EYS: variants seen among roughly 807,000 people sequenced by gnomAD.
EYS encodes the protein EGF-like photoreceptor maintenance factor.
A neutral mutation model predicts 282.1 loss-of-function variants in EYS; 250 were observed. The ratio of observed to expected loss-of-function variants is 0.89; its 90% CI spans 0.80 to 0.98. EYS has a LOEUF of 0.98. EYS is among the 50% of genes least tolerant of loss of function. The pLI, the probability that EYS is intolerant of heterozygous loss-of-function variation, is 0.00. For synonymous variants in EYS, 1,355 were observed against 1,282.9 expected (o/e 1.06, Z -1.20); for missense variants, 4,016 against 3,709.0 (o/e 1.08, Z -2.15).
intron 25 of EYS, among the ~76,000 whole-genome samples, chr6:64,592,564 G>A (rs897164124): frequency 3.9e-5 from 6 of 152,012 alleles, no homozygotes; most frequent in Non-Finnish European, 7.4e-5. Context: ...CTGATTATCC[G>A]AAGTGGCATT....
rs535897954 is a variant in EYS at position 65,703,925 on chromosome 6, G to T, written c.-448+3210C>A. Among the ~76,000 whole-genome samples the T allele has an allele frequency of 5.7e-4, 87 of 152,220 alleles. 1 individual carries two copies. Among genetic ancestry groups the T allele is most frequent in the African/African-American group, 2.0e-3 (82 of 41,532 alleles). The stretch of plus-strand genomic sequence containing the variant: ...ATGCTGTCCAAGACTGTCAGATCTG[G>T]CTGTAATCTGTTAAACACAGTATTA... On this transcript the variant is annotated intron_variant, in intron 1 of 42. Coordinates refer to ENST00000503581, the MANE Select transcript of EYS (RefSeq NM_001142800.2).
At chr6:65,014,503 T>C (rs1771981023) in intron 13 of EYS, among the ~76,000 whole-genome samples, 2 of 152,148 alleles carry the variant, frequency 1.3e-5, no homozygotes, top group African/African-American at 4.8e-5. Context: ...GAGTGAGCCC[T>C]AAGGAATCAT....
intron 22 of EYS, among the ~76,000 whole-genome samples, chr6:64,811,533 C>A (rs571173960): frequency 6.6e-6 from 1 of 152,000 alleles, no homozygotes; most frequent in East Asian, 1.9e-4. Flanking sequence ...CATGTTGGAA[C>A]CTTAGTGCAG....
intron 36 of EYS, among the ~76,000 whole-genome samples, chr6:63,854,441 C>T (rs931473580): frequency 5.9e-5 from 9 of 151,888 alleles, no homozygotes; most frequent in African/African-American, 9.7e-5. Context: ...CATTACACAC[C>T]GAGGCCTATC....
At chr6:64,690,672 C>T (rs889278634) in intron 22 of EYS, among the ~76,000 whole-genome samples, 1 of 152,078 alleles carries the variant, frequency 6.6e-6, no homozygotes, top group Non-Finnish European at 1.5e-5. Context: ...AGTTTATGTC[C>T]TTTGTAGGGA....
At chr6:63,737,893 AAAAC>A (rs374723849) in intron 41 of EYS, among the ~76,000 whole-genome samples, 13,193 of 152,124 alleles carry the variant, frequency 0.087, 607 homozygotes, top group East Asian at 0.16. Context: ...TTACAAGAAA[AAAAC>A]AAACAACCCC....
intron 26 of EYS, among the ~76,000 whole-genome samples, chr6:64,576,515 A>G (rs1256546872): frequency 6.6e-6 from 1 of 151,998 alleles, no homozygotes; most frequent in Non-Finnish European, 1.5e-5. Flanking sequence ...ACATGTTGAG[A>G]GTGTCTTTGT....
intron 11 of EYS, among the ~76,000 whole-genome samples, chr6:65,325,049 T>C (rs1769581849): frequency 6.6e-6 from 1 of 152,166 alleles, no homozygotes; most frequent in Admixed American, 6.5e-5. Context: ...GGCAGCACCA[T>C]TGGCACAGGT....
chr6:64,462,656 G>T (rs1475091251), intron 26 of EYS, among the ~76,000 whole-genome samples: 1 of 151,906 alleles, frequency 6.6e-6, no homozygotes, highest in Non-Finnish European at 1.5e-5. Context: ...CAAATTCTCA[G>T]ATCTCCCAAG....
intron 36 of EYS, among the ~76,000 whole-genome samples, chr6:63,819,903 C>A (rs1771277466): frequency 6.6e-6 from 1 of 152,092 alleles, no homozygotes; most frequent in Non-Finnish European, 1.5e-5. Context: ...TGACTAGTCC[C>A]CCTTTCATCC....
intron 2 of EYS, among the ~76,000 whole-genome samples, chr6:65,619,344 C>G (rs989339950): frequency 2.6e-5 from 4 of 151,766 alleles, no homozygotes; most frequent in Admixed American, 6.6e-5. Flanking sequence ...TCATGATTTG[C>G]CTCTCTGTTT....
At chr6:63,949,335 TCTC>T in intron 35 of EYS, among the ~76,000 whole-genome samples, 1 of 152,312 alleles carries the variant, frequency 6.6e-6, no homozygotes, top group East Asian at 1.9e-4. Context: ...GCCATACTAA[TCTC>T]CTTGGAATTT....
At position 63,726,624 on chromosome 6, in the gene EYS, C is replaced by A. The variant is rs750011709; in HGVS notation, c.8128G>T (p.Ala2710Ser). ...RSNELSWMSF[A>S]SFHVRKKTHI... ...GTCTTTTTTCGAACATGAAAGGAAG[C>A]AAAAGACATCCAGGATAACTCATTG... The change falls in exon 42 of 43, where the codon GCT becomes TCT. Residue 2710 changes from alanine (A) to serine (S), a missense_variant. Physicochemically the swap from Ala to Ser is moderately conservative, Grantham distance 99 (BLOSUM62 1). Coordinates refer to ENST00000503581, the MANE Select transcript of EYS (RefSeq NM_001142800.2). 4.5e-6 allele frequency: 7 copies of A among 1,551,078 alleles called. No individual in the cohort carries two copies. The highest frequency in any genetic ancestry group is 5.2e-6 in the Non-Finnish European group (6 of 1,146,656).
At chr6:65,470,208 CAAGT>C (rs1451827259) in intron 5 of EYS, among the ~76,000 whole-genome samples, 1 of 152,076 alleles carries the variant, frequency 6.6e-6, no homozygotes, top group Non-Finnish European at 1.5e-5. Flanking sequence ...CCTTTTACCA[CAAGT>C]AAGGTATAGA....
At chr6:63,994,311 A>C (rs954815771) in intron 34 of EYS, among the ~76,000 whole-genome samples, 1 of 151,966 alleles carries the variant, frequency 6.6e-6, no homozygotes, top group Non-Finnish European at 1.5e-5. Context: ...AAGTAGGAAC[A>C]GATAAATATG....
chr6:65,527,632 G>C (rs1392792349), intron 2 of EYS, among the ~76,000 whole-genome samples: 1 of 152,224 alleles, frequency 6.6e-6, no homozygotes, highest in Non-Finnish European at 1.5e-5. Context: ...AAATGATCTA[G>C]TTATTTCCAC....
chr6:65,206,009 T>C (rs1198863396), intron 12 of EYS, among the ~76,000 whole-genome samples: 1 of 151,656 alleles, frequency 6.6e-6, no homozygotes, highest in African/African-American at 2.4e-5. Flanking sequence ...AAGTCAAAGC[T>C]CGCAGAAGAA....
At chr6:64,157,985 G>T (rs976654934) in intron 31 of EYS, among the ~76,000 whole-genome samples, 19 of 152,324 alleles carry the variant, frequency 1.2e-4, no homozygotes, top group Non-Finnish European at 2.4e-4. Context: ...GGCTGGAAAA[G>T]CCGCAGACAC....
chr6:64,593,280 A>T lies in EYS; in HGVS notation c.3714T>A (p.Asp1238Glu), dbSNP rs1766469574. 1 of 1,550,624 alleles carries T rather than the reference A, an allele frequency of 6.4e-7. No individual in the cohort carries two copies. Among genetic ancestry groups the T allele is most frequent in the East Asian group, 2.5e-5 (1 of 40,806 alleles). ...TTAAACAGGTAATTCTCCTTATTTC[A>T]TCACCACAAAGAAGCCCAATGGAGC... Reference protein sequence around the residue: ...MTCSIGLLCGDEIRRITCLTP... With the variant: ...MTCSIGLLCGEEIRRITCLTP... The change falls in exon 25 of 43, where the codon GAT becomes GAA. Residue 1238 changes from aspartate (D) to glutamate (E), a missense_variant. Coordinates refer to ENST00000503581, the MANE Select transcript of EYS (RefSeq NM_001142800.2).
Sources: allele counts gnomAD v4.1 joint callset (sites outside exome capture counted in the v4.1 genomes callset), GRCh38; gene constraint gnomAD v4.1.1; transcripts MANE v1.5; gene names NCBI Gene and HGNC (gene_info 2026-07-23, HGNC 2026-07-21).